SH3TC2: variants seen among roughly 807,000 people sequenced by gnomAD.
SH3TC2 encodes the protein SH3 domain and tetratricopeptide repeat-containing protein 2.
SH3TC2 carries 87 observed loss-of-function variants against 124.5 expected under a neutral mutation model. That is an observed-to-expected ratio of 0.70 (90% CI 0.59 to 0.84). The LOEUF (loss-of-function observed/expected upper bound fraction) is 0.84, where lower values mean the gene tolerates loss of function less well. Among genes scored for constraint, SH3TC2 ranks in the 40% least tolerant of loss-of-function variants. The probability of loss-of-function intolerance (pLI) is 0.00; values close to 1 mark genes in which losing one functional copy is unlikely to be tolerated. For synonymous variants in SH3TC2, 634 were observed against 628.5 expected, an observed-to-expected ratio of 1.01 and a Z score of -0.13; for missense variants, 1,536 against 1,566.4, an observed-to-expected ratio of 0.98 and a Z score of 0.33.
chr5:149,005,910 G>A (rs1265979311), intron 16 of SH3TC2, among the ~76,000 whole-genome samples: 1 of 152,042 alleles, frequency 6.6e-6, no homozygotes, highest in Non-Finnish European at 1.5e-5. Flanking sequence ...CACAGTTTGG[G>A]GGTCAGGGTT....
At chr5:149,050,815 T>C (rs1270378305) in intron 2 of SH3TC2, among the ~76,000 whole-genome samples, 1 of 152,240 alleles carries the variant, frequency 6.6e-6, no homozygotes, top group Non-Finnish European at 1.5e-5. Context: ...TTTAAATATT[T>C]ATAATCTTTT....
rs1392570794 is a variant in SH3TC2, at chr5:148,991,888, G to C, written c.*12823C>G. Among the ~76,000 whole-genome samples, 2 of 152,162 alleles carry C rather than the reference G, an allele frequency of 1.3e-5. No homozygotes were observed. The highest frequency in any genetic ancestry group is 4.8e-5 in the African/African-American group (2 of 41,438). On this transcript the variant is annotated 3_prime_UTR_variant, in exon 17 of 17. Transcript: ENST00000515425. Reference sequence around the variant, plus strand: ...TGAGCCTCCTCTTGCACTGGAAGCTGGTATGCTGATGATGTCATGGTGGCT... The same window carrying C: ...TGAGCCTCCTCTTGCACTGGAAGCTCGTATGCTGATGATGTCATGGTGGCT...
chr5:149,003,754 C>A lies in SH3TC2; in HGVS notation c.*957G>T. 1 of 446,376 alleles carries A rather than the reference C, an allele frequency of 2.2e-6. No homozygotes were observed. The highest frequency in any genetic ancestry group is 4.5e-6 in the Non-Finnish European group (1 of 223,756). The allele number at this position is 446,376 out of a possible 1,614,324, so 27.7% of individuals were successfully genotyped here. A position where few individuals can be genotyped will look rare whatever the true frequency, so the allele number is the denominator to read the frequency against. ...TAGTTCCAGCTACTCAGGAGGTTGACACTGGAGGATCACTTGAGCCCCGGA... is the reference window on the plus strand; with the variant it reads ...TAGTTCCAGCTACTCAGGAGGTTGAAACTGGAGGATCACTTGAGCCCCGGA... On this transcript the variant is annotated 3_prime_UTR_variant, in exon 17 of 17. Coordinates refer to ENST00000515425, the MANE Select transcript of SH3TC2 (RefSeq NM_024577.4).
rs779808918 is a variant in SH3TC2 at position 149,038,402 on chromosome 5, G to C, written c.894C>G (p.Ile298Met). 1.9e-6 allele frequency: 3 copies of C among 1,614,054 alleles called. No individual in the cohort carries two copies. The highest frequency in any genetic ancestry group is 2.5e-6 in the Non-Finnish European group (3 of 1,180,040). Residue 298 changes from isoleucine to methionine, a missense_variant, in exon 8 of 17, where the codon ATC becomes ATG. Ile to Met is a conservative substitution (Grantham distance 10). Around this residue, in one of 3 missense-constraint regions of SH3TC2, gnomAD observed 1,102 missense variants for 1,098.6 expected, o/e 1.00. Coordinates refer to ENST00000515425, the MANE Select transcript of SH3TC2 (RefSeq NM_024577.4). Reference protein sequence around the residue: ...NFYQGESIEIIGFVIPGLQWF... With the variant: ...NFYQGESIEIMGFVIPGLQWF... ...ACTGAAGCCCAGGTATGACAAAGCCGATGATCTCAATGCTTTCTCCCTGGT... is the reference window on the plus strand; with the variant it reads ...ACTGAAGCCCAGGTATGACAAAGCCCATGATCTCAATGCTTTCTCCCTGGT...
At chr5:149,056,280 T>C (rs1222326474) in intron 1 of SH3TC2, among the ~76,000 whole-genome samples, 1 of 152,144 alleles carries the variant, frequency 6.6e-6, no homozygotes, top group Non-Finnish European at 1.5e-5. Context: ...CACCCTCAAG[T>C]AGATCCCAGT....
Position 148,986,664 on chromosome 5 carries a change from C to T in SH3TC2, c.*18047G>A, listed in dbSNP as rs942312637. Among the ~76,000 whole-genome samples, 4 of 152,232 alleles carry T rather than the reference C, an allele frequency of 2.6e-5. No homozygotes were observed. The highest frequency in any genetic ancestry group is 1.9e-4 in the East Asian group (1 of 5,174). ...AACAGGTTTGAGTACATGACAGATA[C>T]CTTTTTTGACAAATTATTAAGCCAC... is the stretch of plus-strand genomic sequence containing the variant. On this transcript the variant is annotated 3_prime_UTR_variant, in exon 17 of 17. Transcript: ENST00000515425.
intron 15 of SH3TC2, 59 bp downstream of exon 15, chr5:149,008,792 G>A (rs1753733757): frequency 6.2e-7 from 1 of 1,609,966 alleles, no homozygotes. Context: ...TTGCTTTGCT[G>A]TCTATCCTTG....
rs934366686 is a variant in SH3TC2 at position 148,994,778 on chromosome 5, G to A, written c.*9933C>T. On this transcript the variant is annotated 3_prime_UTR_variant, in exon 17 of 17. Coordinates refer to ENST00000515425, the MANE Select transcript of SH3TC2 (RefSeq NM_024577.4). ...TAGATGGATGAATAGATGGATAACCGTCTGCATCCTCTGTCCCAAAGGAGC... is the reference window on the plus strand; with the variant it reads ...TAGATGGATGAATAGATGGATAACCATCTGCATCCTCTGTCCCAAAGGAGC... Among the ~76,000 whole-genome samples the A allele has an allele frequency of 8.1e-4, 120 of 147,526 alleles. 1 individual carries two copies. The highest frequency in any genetic ancestry group is 9.2e-4 in the African/African-American group (37 of 40,378).
intron 8 of SH3TC2, among the ~76,000 whole-genome samples, chr5:149,036,862 T>C (rs1182628325): frequency 6.6e-6 from 1 of 152,162 alleles, no homozygotes; most frequent in Non-Finnish European, 1.5e-5. Context: ...TTCCTGTCCA[T>C]TGGTCCTCAG....
At chr5:149,008,642 G>A in intron 15 of SH3TC2, 2 of 639,632 alleles carry the variant, frequency 3.1e-6, no homozygotes, top group Non-Finnish European at 2.7e-6. Context: ...ACCATGAGGT[G>A]GGCACTATTT....
intron 12 of SH3TC2, among the ~76,000 whole-genome samples, chr5:149,013,241 T>C (rs954189885): frequency 2.0e-5 from 3 of 152,108 alleles, no homozygotes; most frequent in Non-Finnish European, 2.9e-5. Flanking sequence ...TGGGAGGTAA[T>C]TGAATCATGG....
chr5:148,988,889 C>G lies in SH3TC2; in HGVS notation c.*15822G>C, dbSNP rs1191886138. Among the ~76,000 whole-genome samples the G allele has an allele frequency of 1.3e-5, 2 of 152,196 alleles. No individual in the cohort carries two copies. The highest frequency in any genetic ancestry group is 4.8e-5 in the African/African-American group (2 of 41,448). The stretch of plus-strand genomic sequence containing the variant: ...TAACTTTAATGTTTAAGGGTTATCA[C>G]TTTGCTTTCTTCTTTGGATTTGAGA... On this transcript the variant is annotated 3_prime_UTR_variant, in exon 17 of 17. Transcript: ENST00000515425.
At position 149,062,968 on chromosome 5, in the gene SH3TC2, C is replaced by T; in HGVS notation, c.52+3G>A. 6.3e-7 allele frequency: 1 copy of T among 1,588,898 alleles called. No individual in the cohort carries two copies. The highest frequency in any genetic ancestry group is 8.6e-7 in the Non-Finnish European group (1 of 1,166,688). The stretch of plus-strand genomic sequence containing the variant: ...CAGGCCAAGGGCCCCCTGGGAAACT[C>T]ACCTGGGCCCCGGGTCAGACTCCGC... On this transcript the variant is annotated splice_donor_region_variant and intron_variant, in intron 1 of 16. Transcript: ENST00000515425.
Position 148,999,865 on chromosome 5 carries a change from C to T in SH3TC2, c.*4846G>A, listed in dbSNP as rs1372411161. ...CTCAACCTCCAGGTAGAATCCAAAC[C>T]CTCTTTGCTTCCCTGAATCTGCTCC... On this transcript the variant is annotated 3_prime_UTR_variant, in exon 17 of 17. Coordinates refer to ENST00000515425, the MANE Select transcript of SH3TC2 (RefSeq NM_024577.4). Among the ~76,000 whole-genome samples the T allele has an allele frequency of 7.0e-6, 1 of 143,746 alleles. No homozygotes were observed. Among genetic ancestry groups the T allele is most frequent in the African/African-American group, 2.5e-5 (1 of 40,806 alleles). The allele number at this position is 143,746 out of a possible 152,430, so 94.3% of individuals were successfully genotyped here.
Position 149,046,162 on chromosome 5 carries a change from G to T in SH3TC2, c.280-1524C>A, listed in dbSNP as rs141815644. 15 of 167,460 alleles carry T rather than the reference G, an allele frequency of 9.0e-5. No homozygotes were observed. The East Asian group carries it at 2.1e-3, about 23-fold the overall frequency. The allele number at this position is 167,460 out of a possible 1,614,324, so 10.4% of individuals were successfully genotyped here. ...AAGAAGAAGATAGAAGAATCCAGAA[G>T]AAAAGCCCCAGTTCAGTAAAATCAG... On this transcript the variant is annotated intron_variant, in intron 3 of 16. Transcript: ENST00000515425.
intron 2 of SH3TC2, among the ~76,000 whole-genome samples, chr5:149,050,314 C>T (rs1754535260): frequency 6.6e-6 from 1 of 152,168 alleles, no homozygotes; most frequent in African/African-American, 2.4e-5. Context: ...TTCTCAAAGT[C>T]AGTTCTGTAA....
At chr5:149,022,764 T>C (rs943549256) in intron 12 of SH3TC2, among the ~76,000 whole-genome samples, 4 of 152,184 alleles carry the variant, frequency 2.6e-5, no homozygotes, top group Non-Finnish European at 4.4e-5. Context: ...GAAAACACTA[T>C]GCTAAGTGAA....
chr5:149,000,800 C>T lies in SH3TC2; in HGVS notation c.*3911G>A, dbSNP rs1037607254. 2.6e-5 allele frequency among the ~76,000 whole-genome samples: 4 copies of T among 152,086 alleles called. No individual in the cohort carries two copies. Among genetic ancestry groups the T allele is most frequent in the Non-Finnish European group, 5.9e-5 (4 of 68,018 alleles). The stretch of plus-strand genomic sequence containing the variant: ...ACCAATGTGTCTGGGAGAAAGTTAC[C>T]CTTCTGTTCCTCAGTTTACTCACCT... On this transcript the variant is annotated 3_prime_UTR_variant, in exon 17 of 17. Coordinates refer to ENST00000515425, the MANE Select transcript of SH3TC2 (RefSeq NM_024577.4).
chr5:149,050,940 C>T (rs1032401930), intron 2 of SH3TC2, among the ~76,000 whole-genome samples: 3 of 152,142 alleles, frequency 2.0e-5, no homozygotes, highest in African/African-American at 4.8e-5. Flanking sequence ...GTGGTGAAGT[C>T]GTTTCCCTCG....
Sources: allele counts gnomAD v4.1 joint callset (sites outside exome capture counted in the v4.1 genomes callset), GRCh38; gene constraint gnomAD v4.1.1; regional missense constraint gnomAD v4.1.1; transcripts MANE v1.5; gene names NCBI Gene and HGNC (gene_info 2026-07-23, HGNC 2026-07-21).